The following GGACT variants were observed in gnomAD, a reference collection of about 807,000 sequenced individuals.
The protein encoded by GGACT is gamma-glutamylamine cyclotransferase.
For missense variants in GGACT, 241 were observed against 233.2 expected (o/e 1.03, Z -0.22); for synonymous variants, 118 against 115.3 (o/e 1.02, Z -0.15).
intron 2 of GGACT, among the ~76,000 whole-genome samples, chr13:100,566,388 G>T (rs1274204618): frequency 6.6e-6 from 1 of 152,208 alleles, no homozygotes. Context: ...GGTTGCTACT[G>T]CCTTTCAGGC....
intron 1 of GGACT, chr13:100,586,874 C>T (rs577161073): frequency 3.9e-5 from 6 of 152,404 alleles, no homozygotes; most frequent in African/African-American, 1.4e-4. Flanking sequence ...GGGGCAGGTC[C>T]TCACGGCCTA....
rs1401210645 is a variant in GGACT, at chr13:100,532,143, C to T, written c.449G>A (p.Arg150Gln). 17 of 1,450,732 alleles carry T rather than the reference C, an allele frequency of 1.2e-5. No individual in the cohort carries two copies. The highest frequency in any genetic ancestry group is 2.9e-5 in the South Asian group (2 of 68,510). The allele number at this position is 1,450,732 out of a possible 1,614,324, so 89.9% of individuals were successfully genotyped here. A position where few individuals can be genotyped will look rare whatever the true frequency, so the allele number is the denominator to read the frequency against. The change falls in exon 3 of 3, where the codon CGG (arginine) becomes CAG (glutamine). Residue 150 changes from arginine (R) to glutamine (Q), a missense_variant. Transcript: ENST00000683975. ...EGPHGLRYNPRENR is the reference protein window; with the variant it reads ...EGPHGLRYNPQENR ...TGCCCGTCCCCCTTATCTGTTCTCC[C>T]GGGGGTTGTAGCGCAGCCCGTGCGG...
intron 2 of GGACT, among the ~76,000 whole-genome samples, chr13:100,535,108 G>A (rs907444025): frequency 3.9e-5 from 6 of 152,312 alleles, no homozygotes; most frequent in East Asian, 1.9e-4. Flanking sequence ...GGCTGGTGGC[G>A]ATCTAGGACC....
chr13:100,588,615 G>A (rs985274568), intron 1 of GGACT, 126 bp downstream of exon 1: 5 of 151,810 alleles, frequency 3.3e-5, no homozygotes, highest in African/African-American at 1.2e-4. Context: ...GGGACGCCGA[G>A]TGCTGCGGCC....
chr13:100,540,296 ATTT>A (rs1752864521), intron 2 of GGACT: 1 of 912,484 alleles, frequency 1.1e-6, no homozygotes. Flanking sequence ...TTTGGGGGAG[ATTT>A]TTGACTGCTG....
intron 2 of GGACT, among the ~76,000 whole-genome samples, chr13:100,549,858 A>C (rs1050690468): frequency 6.6e-6 from 1 of 152,198 alleles, no homozygotes; most frequent in African/African-American, 2.4e-5. Flanking sequence ...ACACAATGCC[A>C]TTTTCACACA....
rs917247249 is a variant in GGACT, at chr13:100,550,693, C to T, written c.-10-18092G>A. ...GAGACAGTGGAATGCCCCGAGAGAA[C>T]GTGCAAAGCCCCAGCTGTTGCTGTG... On this transcript the variant is annotated intron_variant, in intron 2 of 2. Coordinates refer to ENST00000683975, the MANE Select transcript of GGACT (RefSeq NM_001195087.2). 1.2e-4 allele frequency among the ~76,000 whole-genome samples: 18 copies of T among 152,274 alleles called. No homozygotes were observed. The South Asian group carries it at 3.5e-3, about 30-fold the overall frequency.
chr13:100,542,265 C>T (rs961179981), intron 2 of GGACT, among the ~76,000 whole-genome samples: 6 of 152,324 alleles, frequency 3.9e-5, no homozygotes, highest in South Asian at 4.1e-4. Flanking sequence ...CCGCTGACCC[C>T]CCCAGCAAGA....
chr13:100,561,360 T>C (rs1054223853), intron 2 of GGACT, among the ~76,000 whole-genome samples: 4 of 152,226 alleles, frequency 2.6e-5, no homozygotes, highest in African/African-American at 9.6e-5. Context: ...AGCATTAAAA[T>C]AATGCAATTC....
chr13:100,549,090 G>A (rs997490853), intron 2 of GGACT, among the ~76,000 whole-genome samples: 1 of 152,210 alleles, frequency 6.6e-6, no homozygotes, highest in Non-Finnish European at 1.5e-5. Flanking sequence ...GCTCGCGGCT[G>A]TAATCCTAGC....
At chr13:100,564,614 C>T (rs1023107348) in intron 2 of GGACT, among the ~76,000 whole-genome samples, 7 of 152,194 alleles carry the variant, frequency 4.6e-5, no homozygotes, top group South Asian at 2.1e-4. Flanking sequence ...TATTTAACTA[C>T]GAGACTGTTG....
chr13:100,532,047 G>T lies in GGACT; in HGVS notation c.*83C>A, dbSNP rs1594178879. 2.0e-6 allele frequency: 2 copies of T among 987,328 alleles called. No individual in the cohort carries two copies. The highest frequency in any genetic ancestry group is 2.8e-6 in the Non-Finnish European group (2 of 724,250). 61.2% of individuals were successfully genotyped at this position (987,328 alleles called of 1,614,324 possible). ...AGATTCATTGGAAAGGGCCCTGTTC[G>T]GCTTCCGCCTTCACCCAGCATGGGC... On this transcript the variant is annotated 3_prime_UTR_variant, in exon 3 of 3. Coordinates refer to ENST00000683975, the MANE Select transcript of GGACT (RefSeq NM_001195087.2).
chr13:100,588,705 C>G (rs918313675), intron 1 of GGACT, 36 bp downstream of exon 1: 1 of 151,566 alleles, frequency 6.6e-6, no homozygotes, highest in African/African-American at 2.4e-5. Context: ...GCGGAGCAGG[C>G]GCAGCCCCGA....
At chr13:100,537,495 T>C (rs2088507339) in intron 2 of GGACT, 1 of 152,332 alleles carries the variant, frequency 6.6e-6, no homozygotes, top group African/African-American at 2.4e-5. Flanking sequence ...GAGGCAGCAC[T>C]TGCAGGAAAA....
In GGACT at chr13:100,532,378, C is replaced by T. The variant is rs1336419824; in HGVS notation, c.214G>A (p.Glu72Lys). 28 of 1,550,386 alleles carry T rather than the reference C, an allele frequency of 1.8e-5. No individual in the cohort carries two copies. Among genetic ancestry groups the T allele is most frequent in the Middle Eastern group, 1.7e-4 (1 of 6,014 alleles). Residue 72 changes from glutamate (E) to lysine (K), a missense_variant, in exon 3 of 3, where the codon GAG becomes AAG. Glu to Lys is a moderately conservative substitution (Grantham distance 56). Transcript: ENST00000683975. ...LVEGEVYAVD[E>K]RMLRFLDDFE... is the part of the protein sequence containing the mutation. Reference sequence around the variant, plus strand: ...TCATCCAGAAAGCGCAGCATCCGCTCGTCTACCGCGTAGACCTCGCCCTCC... The same window carrying T: ...TCATCCAGAAAGCGCAGCATCCGCTTGTCTACCGCGTAGACCTCGCCCTCC...
intron 2 of GGACT, among the ~76,000 whole-genome samples, chr13:100,550,790 G>C (rs914195317): frequency 4.6e-5 from 7 of 152,322 alleles, no homozygotes; most frequent in East Asian, 1.9e-4. Flanking sequence ...AGAAACAGCA[G>C]AACAGCCGCT....
chr13:100,565,078 G>T (rs956487527), intron 2 of GGACT, among the ~76,000 whole-genome samples: 1 of 152,194 alleles, frequency 6.6e-6, no homozygotes, highest in African/African-American at 2.4e-5. Flanking sequence ...GATGGCCGCC[G>T]CCTCCTTCCC....
At chr13:100,566,769 A>T (rs747022966) in intron 2 of GGACT, among the ~76,000 whole-genome samples, 1 of 152,152 alleles carries the variant, frequency 6.6e-6, no homozygotes, top group Non-Finnish European at 1.5e-5. Flanking sequence ...CTACACTACA[A>T]CCTGTGACAT....
chr13:100,560,090 T>G (rs928266333), intron 2 of GGACT, among the ~76,000 whole-genome samples: 1 of 151,976 alleles, frequency 6.6e-6, no homozygotes, highest in African/African-American at 2.4e-5. Flanking sequence ...TGCAAAGGGC[T>G]GTTACTGGGG....
Sources: gnomAD v4.1 joint callset for allele counts (sites outside exome capture counted in the v4.1 genomes callset) on GRCh38, gnomAD v4.1.1 for gene constraint, MANE v1.5 for transcripts, NCBI Gene and HGNC (gene_info 2026-07-23, HGNC 2026-07-21) for gene names.